Variants in ARHGAP18 observed in about 807,000 individuals in gnomAD.
The protein encoded by ARHGAP18 is Rho GTPase activating protein 18, also known as rho GTPase-activating protein 18.
ARHGAP18 carries 67 observed loss-of-function variants against 86.2 expected under a neutral mutation model. That is an observed-to-expected ratio of 0.78 (90% CI 0.64 to 0.95). ARHGAP18 has a LOEUF of 0.95. Among genes scored for constraint, ARHGAP18 ranks in the 40% least tolerant of loss-of-function variants. The pLI is 0.00. For missense variants in ARHGAP18, 691 were observed against 780.4 expected, an observed-to-expected ratio of 0.89 and a Z score of 1.37; for synonymous variants, 283 against 280.4, an observed-to-expected ratio of 1.01 and a Z score of -0.09.
At position 129,625,229 on chromosome 6, in the gene ARHGAP18, A is replaced by G. The variant is rs1207204620; in HGVS notation, c.786+4124T>C. Reference sequence around the variant, plus strand: ...ATATGTAATATATATGATATATGATATATGATATATATTTATATGTAATAT... The same window carrying G: ...ATATGTAATATATATGATATATGATGTATGATATATATTTATATGTAATAT... On this transcript the variant is annotated intron_variant, in intron 5 of 14. Coordinates refer to ENST00000368149, the MANE Select transcript of ARHGAP18 (RefSeq NM_033515.3). Among the ~76,000 whole-genome samples, 3 of 93,094 alleles carry G rather than the reference A, an allele frequency of 3.2e-5. 1 individual carries two copies. Among genetic ancestry groups the G allele is most frequent in the East Asian group, 5.9e-4 (2 of 3,378 alleles). 61.1% of individuals were successfully genotyped at this position (93,094 alleles called of 152,430 possible). A position where few individuals can be genotyped will look rare whatever the true frequency, so the allele number is the denominator to read the frequency against.
chr6:129,625,096 G>A (rs13210389), intron 5 of ARHGAP18, among the ~76,000 whole-genome samples: 1 of 65,530 alleles, frequency 1.5e-5, no homozygotes, highest in African/African-American at 6.3e-5. Flanking sequence ...TATGATATAT[G>A]ATATATATTA....
chr6:129,691,498 T>A (rs1374842902), intron 1 of ARHGAP18, among the ~76,000 whole-genome samples: 1 of 152,220 alleles, frequency 6.6e-6, no homozygotes, highest in Non-Finnish European at 1.5e-5. Context: ...CTTAGATTAT[T>A]ACGATTTCAG....
chr6:129,607,986 G>T lies in ARHGAP18; in HGVS notation c.1189C>A (p.His397Asn). ...AGCTTCAGCAGGCTGGCGGCATCATGCTGTTTGACACTTTCCCAATTAAAA... is the reference window on the plus strand; with the variant it reads ...AGCTTCAGCAGGCTGGCGGCATCATTCTGTTTGACACTTTCCCAATTAAAA... ...GTFNWESVKQ[H>N]DAASLLKLFI... Residue 397 changes from histidine to asparagine, a missense_variant, in exon 9 of 15, where the codon CAT (histidine) becomes AAT (asparagine). His to Asn is a moderately conservative substitution (Grantham distance 68, BLOSUM62 1). Coordinates refer to ENST00000368149, the MANE Select transcript of ARHGAP18 (RefSeq NM_033515.3). The T allele has an allele frequency of 6.3e-7, 1 of 1,599,452 alleles. No individual in the cohort carries two copies. Among genetic ancestry groups the T allele is most frequent in the South Asian group, 1.1e-5 (1 of 90,882 alleles).
intron 1 of ARHGAP18, among the ~76,000 whole-genome samples, chr6:129,666,820 C>G (rs753664491): frequency 2.0e-5 from 3 of 152,200 alleles, no homozygotes; most frequent in Admixed American, 2.0e-4. Flanking sequence ...TATCTCATCC[C>G]ACAAATAAGG....
At chr6:129,665,537 C>A (rs1299409289) in intron 1 of ARHGAP18, among the ~76,000 whole-genome samples, 4 of 151,970 alleles carry the variant, frequency 2.6e-5, no homozygotes, top group Non-Finnish European at 5.9e-5. Context: ...GCAATAGAGC[C>A]AGATCCTGTC....
chr6:129,615,929 A>T (rs1789087897), intron 7 of ARHGAP18, among the ~76,000 whole-genome samples: 1 of 152,152 alleles, frequency 6.6e-6, no homozygotes, highest in African/African-American at 2.4e-5. Context: ...AGCAGTTCCC[A>T]CTCCTATGTA....
At chr6:129,580,019 T>G in intron 14 of ARHGAP18, 51 bp downstream of exon 14, 1 of 1,428,370 alleles carries the variant, frequency 7.0e-7, no homozygotes, top group Non-Finnish European at 9.8e-7. Flanking sequence ...TAATAACCAC[T>G]GGCAATATCA....
intron 1 of ARHGAP18, among the ~76,000 whole-genome samples, chr6:129,695,117 T>C (rs1391190229): frequency 6.6e-6 from 1 of 151,896 alleles, no homozygotes; most frequent in Non-Finnish European, 1.5e-5. Context: ...ACAATGGTAA[T>C]AACTATTCTG....
intron 1 of ARHGAP18, among the ~76,000 whole-genome samples, chr6:129,651,177 G>GAA (rs1773704312): frequency 6.6e-6 from 1 of 152,112 alleles, no homozygotes; most frequent in South Asian, 2.1e-4. Flanking sequence ...AAGTAAGAGA[G>GAA]GGATGAAAAG....
intron 12 of ARHGAP18, chr6:129,598,898 A>G (rs1026915376): frequency 1.2e-5 from 2 of 173,296 alleles, no homozygotes; most frequent in Non-Finnish European, 1.2e-5. Context: ...GTAGGCGACT[A>G]GAGTCTCCGC....
At chr6:129,695,300 A>G (rs1255388004) in intron 1 of ARHGAP18, among the ~76,000 whole-genome samples, 1 of 152,206 alleles carries the variant, frequency 6.6e-6, no homozygotes, top group African/African-American at 2.4e-5. Flanking sequence ...TGCTAACTGC[A>G]GTAAACTTTG....
chr6:129,643,102 C>A (rs1346965952), intron 1 of ARHGAP18, among the ~76,000 whole-genome samples: 1 of 151,802 alleles, frequency 6.6e-6, no homozygotes, highest in Non-Finnish European at 1.5e-5. Context: ...ATAATAAAAA[C>A]CTATATATAA....
chr6:129,621,987 G>C (rs1424960141), intron 5 of ARHGAP18, among the ~76,000 whole-genome samples: 2 of 152,142 alleles, frequency 1.3e-5, no homozygotes, highest in Non-Finnish European at 2.9e-5. Flanking sequence ...AGAGTAGGCA[G>C]GGAGATATCT....
intron 1 of ARHGAP18, among the ~76,000 whole-genome samples, chr6:129,680,278 T>C (rs1774303303): frequency 6.6e-6 from 1 of 152,168 alleles, no homozygotes; most frequent in Non-Finnish European, 1.5e-5. Context: ...AATACAAATT[T>C]ACTAAGCCAG....
intron 5 of ARHGAP18, among the ~76,000 whole-genome samples, chr6:129,625,767 A>C (rs1481413996): frequency 3.2e-5 from 1 of 31,288 alleles, no homozygotes; most frequent in Non-Finnish European, 6.1e-5. Flanking sequence ...TTTATATATT[A>C]TATATATTTA....
chr6:129,625,420 A>ATATATTATATATAATATATATTTTATAT (rs1789379071), intron 5 of ARHGAP18, among the ~76,000 whole-genome samples: 1 of 28,282 alleles, frequency 3.5e-5, no homozygotes, highest in African/African-American at 1.8e-4. Context: ...ATTATATATA[A>ATATATTATATATAATATATATTTTATAT]TATATATTAT....
Position 129,641,983 on chromosome 6 carries a change from C to G in ARHGAP18, c.149G>C (p.Ser50Thr), listed in dbSNP as rs1562707004. 1.2e-6 allele frequency: 2 copies of G among 1,613,956 alleles called. No individual in the cohort carries two copies. The highest frequency in any genetic ancestry group is 1.1e-5 in the South Asian group (1 of 91,080). The change falls in exon 2 of 15, where the codon AGC becomes ACC. Residue 50 changes from serine (S) to threonine (T), a missense_variant. Ser to Thr is a moderately conservative substitution (Grantham distance 58). Transcript: ENST00000368149. ...RYGQYTMNQE[S>T]TTIKVMEKPP... The stretch of plus-strand genomic sequence containing the variant: ...CTTCTCCATAACTTTGATGGTGGTG[C>G]TTTCCTGGTTCATAGTGTACTGGCC...
chr6:129,630,653 A>G (rs1773181853), intron 4 of ARHGAP18, among the ~76,000 whole-genome samples: 1 of 152,236 alleles, frequency 6.6e-6, no homozygotes, highest in Admixed American at 6.5e-5. Context: ...AATCAAAATC[A>G]AGTTTAGAAG....
intron 10 of ARHGAP18, among the ~76,000 whole-genome samples, chr6:129,605,549 A>C (rs1444541466): frequency 6.6e-6 from 1 of 152,152 alleles, no homozygotes; most frequent in Non-Finnish European, 1.5e-5. Context: ...ATTAAATATA[A>C]TTTGATAAAT....
Sources: gnomAD v4.1 joint callset for allele counts (sites outside exome capture counted in the v4.1 genomes callset) on GRCh38, gnomAD v4.1.1 for gene constraint, MANE v1.5 for transcripts, NCBI Gene and HGNC (gene_info 2026-07-23, HGNC 2026-07-21) for gene names.